OR3A2: variants seen among roughly 807,000 people sequenced by gnomAD.
OR3A2 encodes the protein olfactory receptor 3A2.
For missense variants in OR3A2, 318 were observed against 392.8 expected (o/e 0.81, Z 1.61); for synonymous variants, 126 against 159.3 (o/e 0.79, Z 1.57).
rs138625641 is a variant in OR3A2, at chr17:3,369,718, T to C, written c.-179+14086A>G. Among the ~76,000 whole-genome samples, 40 of 152,288 alleles carry C rather than the reference T, an allele frequency of 2.6e-4. 1 individual carries two copies. In the East Asian group the frequency reaches 5.4e-3, roughly 21 times the overall value. ...TTTTTTTGTTATGTCCTTTCCTGAT[T>C]TTAGTATTAGGGTAATCCTGGCTTC... is the stretch of plus-strand genomic sequence containing the variant. On this transcript the variant is annotated intron_variant, in intron 2 of 4. Coordinates refer to the OR3A2 transcript ENST00000573491.
chr17:3,379,215 A>G (rs1208572198), intron 2 of OR3A2, among the ~76,000 whole-genome samples: 1 of 152,202 alleles, frequency 6.6e-6, no homozygotes, highest in Non-Finnish European at 1.5e-5. Context: ...AGAGAAAGGA[A>G]AGATGAGAGA....
At position 3,303,537 on chromosome 17, in the gene OR3A2, C is replaced by T. The variant is rs560997332; in HGVS notation, c.-84-24384G>A. Among the ~76,000 whole-genome samples the T allele has an allele frequency of 7.2e-4, 109 of 151,740 alleles. 1 individual carries two copies. Among genetic ancestry groups the T allele is most frequent in the Admixed American group, 1.4e-3 (22 of 15,210 alleles). On this transcript the variant is annotated intron_variant, in intron 3 of 4. Coordinates refer to the OR3A2 transcript ENST00000573491. ...TAGACAGATCACGAAGCCAAGAGATCGAGATCATCCTGGCCAACATGGTGA... is the reference window on the plus strand; with the variant it reads ...TAGACAGATCACGAAGCCAAGAGATTGAGATCATCCTGGCCAACATGGTGA...
intron 1 of OR3A2, among the ~76,000 whole-genome samples, chr17:3,279,900 G>C (rs1415690848): frequency 3.3e-5 from 5 of 152,160 alleles, no homozygotes; most frequent in Admixed American, 6.5e-5. Context: ...CATGATTGTG[G>C]ATATCAGAAA....
At chr17:3,279,016 T>G (rs2014058) in intron 1 of OR3A2, 60 bp downstream of exon 4, 207,623 of 1,543,528 alleles carry the variant, frequency 0.13, 17,881 homozygotes, top group African/African-American at 0.35. Flanking sequence ...CAAAGCCCCG[T>G]GGCGAGTCCC....
At chr17:3,300,404 C>T (rs891785968) in intron 3 of OR3A2, among the ~76,000 whole-genome samples, 5 of 152,040 alleles carry the variant, frequency 3.3e-5, no homozygotes, top group Admixed American at 6.5e-5. Flanking sequence ...ACTAAAAATA[C>T]AAAAATTAGC....
intron 2 of OR3A2, among the ~76,000 whole-genome samples, chr17:3,347,802 T>A (rs578132783): frequency 6.6e-6 from 1 of 152,210 alleles, no homozygotes; most frequent in Non-Finnish European, 1.5e-5. Flanking sequence ...TAGTTCTAGA[T>A]CCCTGAGGAA....
chr17:3,316,226 G>T (rs1272808453), intron 3 of OR3A2, among the ~76,000 whole-genome samples: 1 of 152,208 alleles, frequency 6.6e-6, no homozygotes, highest in East Asian at 1.9e-4. Flanking sequence ...GACACTAAAA[G>T]AAACTTCTAG....
rs142485420 is a variant in OR3A2 at position 3,330,512 on chromosome 17, T to C, written c.-85+5521A>G. On this transcript the variant is annotated intron_variant, in intron 3 of 4. Coordinates refer to the OR3A2 transcript ENST00000573491. ...GATTTTGTTGGTTTAAAGTCTGATT[T>C]ATCAGAGACTAGGATTGCAACCCCT... Among the ~76,000 whole-genome samples the C allele has an allele frequency of 2.6e-3, 400 of 152,268 alleles. 5 individuals carry two copies. The highest frequency in any genetic ancestry group is 0.017 in the Middle Eastern group (5 of 294).
chr17:3,365,992 C>A (rs1597360074), intron 2 of OR3A2, among the ~76,000 whole-genome samples: 1 of 152,292 alleles, frequency 6.6e-6, no homozygotes, highest in East Asian at 1.9e-4. Flanking sequence ...CTCTCCTGGG[C>A]ACCACTGCTA....
chr17:3,279,822 A>G (rs896129417), intron 1 of OR3A2, among the ~76,000 whole-genome samples: 1 of 151,900 alleles, frequency 6.6e-6, no homozygotes. Context: ...AAAAACACCT[A>G]GGTTTAAAGG....
chr17:3,364,229 T>C (rs900231200), intron 2 of OR3A2, among the ~76,000 whole-genome samples: 3 of 152,250 alleles, frequency 2.0e-5, no homozygotes, highest in African/African-American at 2.4e-5. Context: ...GTATTTTTAA[T>C]TGACAGATAA....
chr17:3,287,361 C>T (rs1425569989), upstream of OR3A2, among the ~76,000 whole-genome samples: 1 of 152,082 alleles, frequency 6.6e-6, no homozygotes, highest in Non-Finnish European at 1.5e-5. Context: ...ATCATCCACC[C>T]CCCTCCCACC....
chr17:3,321,741 T>C (rs2049124212), intron 3 of OR3A2, among the ~76,000 whole-genome samples: 2 of 152,142 alleles, frequency 1.3e-5, no homozygotes, highest in Admixed American at 6.5e-5. Flanking sequence ...CACTTGATCA[T>C]GGTGGATAAG....
intron 3 of OR3A2, chr17:3,292,591 G>A (rs760433615): frequency 1.9e-6 from 3 of 1,585,980 alleles, no homozygotes; most frequent in Non-Finnish European, 8.6e-7. Context: ...ATGAGTTCCT[G>A]CAAAGAAACA....
At chr17:3,362,349 C>G (rs1027050935) in intron 2 of OR3A2, among the ~76,000 whole-genome samples, 2 of 151,112 alleles carry the variant, frequency 1.3e-5, no homozygotes, top group Non-Finnish European at 2.9e-5. Context: ...CAATTTTGTT[C>G]ATCTTTTCAA....
At chr17:3,352,919 C>G (rs1476705573) in intron 2 of OR3A2, among the ~76,000 whole-genome samples, 2 of 151,562 alleles carry the variant, frequency 1.3e-5, no homozygotes, top group African/African-American at 2.4e-5. Context: ...TGTTCAATTT[C>G]TTTTATCAGT....
rs555144602 is a variant in OR3A2 at position 3,348,994 on chromosome 17, C to T, written c.-178-12868G>A. Among the ~76,000 whole-genome samples, 7 of 152,116 alleles carry T rather than the reference C, an allele frequency of 4.6e-5. No individual in the cohort carries two copies. In the South Asian group the frequency reaches 1.5e-3, roughly 32 times the overall value. On this transcript the variant is annotated intron_variant, in intron 2 of 4. Transcript: ENST00000573491. The stretch of plus-strand genomic sequence containing the variant: ...ACAAGCAAATGCTGAGAGATTTTGT[C>T]GCCACCAGGCCTGCACTAAAAGAGT...
At chr17:3,363,995 C>T (rs1288387573) in intron 2 of OR3A2, among the ~76,000 whole-genome samples, 1 of 152,186 alleles carries the variant, frequency 6.6e-6, no homozygotes, top group Non-Finnish European at 1.5e-5. Context: ...CACCTCCCAC[C>T]AGGCCTCTCC....
exon 3 of OR3A2, chr17:3,336,064 T>A (rs2049272897): frequency 6.6e-6 from 1 of 152,340 alleles, no homozygotes; most frequent in African/African-American, 2.4e-5. Flanking sequence ...AGCCCTCCAG[T>A]GGAAGTTTCA....
Sources: allele counts gnomAD v4.1 joint callset (sites outside exome capture counted in the v4.1 genomes callset), GRCh38; gene constraint gnomAD v4.1.1; transcripts MANE v1.5; gene names NCBI Gene and HGNC (gene_info 2026-07-23, HGNC 2026-07-21).